The following GPLD1 variants were observed in gnomAD, a reference collection of about 807,000 sequenced individuals.
GPLD1 encodes phosphatidylinositol-glycan-specific phospholipase D.
A neutral mutation model predicts 112.6 loss-of-function variants in GPLD1; 84 were observed. The ratio of observed to expected loss-of-function variants is 0.75; its 90% CI spans 0.63 to 0.89. The LOEUF is 0.89. Ranked by LOEUF, GPLD1 falls within the 40% of genes least tolerant of loss-of-function variation. The pLI, the probability that GPLD1 is intolerant of heterozygous loss-of-function variation, is 0.00. For synonymous variants in GPLD1, 386 were observed against 403.8 expected, an observed-to-expected ratio of 0.96 and a Z score of 0.53; for missense variants, 1,044 against 1,051.5, an observed-to-expected ratio of 0.99 and a Z score of 0.10.
At chr6:24,491,089 C>G (rs184036422), upstream of GPLD1, among the ~76,000 whole-genome samples, 1 of 152,156 alleles carries the variant, frequency 6.6e-6, no homozygotes, top group African/African-American at 2.4e-5. Flanking sequence ...CCATGTGACA[C>G]GACAACCAGC....
At chr6:24,431,501 A>C (rs551865680) in intron 24 of GPLD1, among the ~76,000 whole-genome samples, 27 of 151,900 alleles carry the variant, frequency 1.8e-4, no homozygotes, top group African/African-American at 6.0e-4. Context: ...GGATGAATGC[A>C]ATCAGTGGTT....
intron 12 of GPLD1, among the ~76,000 whole-genome samples, chr6:24,458,747 C>T (rs527567857): frequency 3.2e-4 from 49 of 152,056 alleles, no homozygotes; most frequent in Non-Finnish European, 5.7e-4. Flanking sequence ...GGCATGGTGG[C>T]GGGTGCCTGT....
At position 24,437,219 on chromosome 6, in the gene GPLD1, G is replaced by A. The variant is rs1762606838; in HGVS notation, c.2091C>T (p.Leu697=). 1 of 1,614,134 alleles carries A rather than the reference G, an allele frequency of 6.2e-7. No homozygotes were observed. The highest frequency in any genetic ancestry group is 2.2e-5 in the East Asian group (1 of 44,894). Residue 697 remains leucine, a synonymous_variant, in exon 21 of 25, where the codon CTC becomes CTT. Coordinates refer to ENST00000230036, the MANE Select transcript of GPLD1 (RefSeq NM_001503.4). The stretch of plus-strand genomic sequence containing the variant: ...GCAGCAGAGGCTGCGCGTCAGATGT[G>A]AGTGCGTACATGCGAGTGGCTCCGC... ...HQGGATRMYA[L]TSDAQPLLLS...
chr6:24,483,676 GA>G (rs1488030648), intron 2 of GPLD1, among the ~76,000 whole-genome samples: 2 of 151,892 alleles, frequency 1.3e-5, no homozygotes, highest in African/African-American at 4.8e-5. Context: ...CAGCATTAGA[GA>G]AAGGAGTTAA....
chr6:24,482,429 G>A (rs1464471196), intron 2 of GPLD1, among the ~76,000 whole-genome samples: 4 of 146,420 alleles, frequency 2.7e-5, no homozygotes, highest in African/African-American at 7.8e-5. Flanking sequence ...TACAGGCACC[G>A]GTCACCACGC....
intron 20 of GPLD1, among the ~76,000 whole-genome samples, chr6:24,439,010 C>G (rs1581733981): frequency 6.6e-6 from 1 of 152,202 alleles, no homozygotes; most frequent in African/African-American, 2.4e-5. Context: ...TCTTGATCTC[C>G]TGACCTCGTG....
chr6:24,442,052 T>C (rs1452340688), intron 20 of GPLD1, among the ~76,000 whole-genome samples: 2 of 148,768 alleles, frequency 1.3e-5, no homozygotes, highest in Non-Finnish European at 3.0e-5. Flanking sequence ...TATATTAGTA[T>C]ACTTATACAC....
intron 2 of GPLD1, among the ~76,000 whole-genome samples, chr6:24,483,703 G>A (rs1476313274): frequency 2.0e-5 from 3 of 151,982 alleles, no homozygotes; most frequent in African/African-American, 7.2e-5. Flanking sequence ...TGGACATGGT[G>A]AAGGCTAGAG....
chr6:24,428,227 T>A lies in GPLD1; in HGVS notation c.*805A>T, dbSNP rs1705147577. 1 of 152,176 alleles carries A rather than the reference T, an allele frequency of 6.6e-6. No individual in the cohort carries two copies. Among genetic ancestry groups the A allele is most frequent in the African/African-American group, 2.4e-5 (1 of 41,440 alleles). The allele number at this position is 152,176 out of a possible 1,614,324, so 9.4% of individuals were successfully genotyped here. On this transcript the variant is annotated 3_prime_UTR_variant, in exon 25 of 25. Coordinates refer to ENST00000230036, the MANE Select transcript of GPLD1 (RefSeq NM_001503.4). Reference sequence around the variant, plus strand: ...TGATTGGCATGGGCCAATCTGTTATTTTTAAGTTCAACTTTTTTTTAACTT... The same window carrying A: ...TGATTGGCATGGGCCAATCTGTTATATTTAAGTTCAACTTTTTTTTAACTT...
chr6:24,464,115 A>G (rs761604371), intron 10 of GPLD1, among the ~76,000 whole-genome samples: 7 of 152,340 alleles, frequency 4.6e-5, no homozygotes, highest in Non-Finnish European at 1.0e-4. Flanking sequence ...ACATGCCCTT[A>G]TGTTATGAGT....
chr6:24,490,695 T>C (rs1764532958), upstream of GPLD1, among the ~76,000 whole-genome samples: 1 of 150,626 alleles, frequency 6.6e-6, no homozygotes, highest in Admixed American at 6.7e-5. Context: ...GAGATTGCGG[T>C]GAGCCGAGAT....
At chr6:24,461,087 A>G (rs1443734228) in intron 11 of GPLD1, among the ~76,000 whole-genome samples, 1 of 152,152 alleles carries the variant, frequency 6.6e-6, no homozygotes, top group East Asian at 1.9e-4. Context: ...TTAATTATAC[A>G]ATAAAAATAC....
chr6:24,495,053 T>C, exon 1 of GPLD1: 2 of 1,355,926 alleles, frequency 1.5e-6, no homozygotes, highest in South Asian at 2.1e-5. Flanking sequence ...GGTCGACGTT[T>C]CCAGGCTGCC....
At chr6:24,492,213 G>A (rs564423093), upstream of GPLD1, among the ~76,000 whole-genome samples, 3 of 152,228 alleles carry the variant, frequency 2.0e-5, no homozygotes, top group South Asian at 6.2e-4. Flanking sequence ...CTAGAAAATG[G>A]GGGAGAAGAG....
upstream of GPLD1, among the ~76,000 whole-genome samples, chr6:24,493,634 C>A (rs543222437): frequency 2.4e-4 from 37 of 152,352 alleles, no homozygotes; most frequent in African/African-American, 8.7e-4. Context: ...CTCCCTGGTT[C>A]TCCCCAGTTC....
chr6:24,454,635 T>A (rs143791648), intron 13 of GPLD1, among the ~76,000 whole-genome samples: 1 of 150,726 alleles, frequency 6.6e-6, no homozygotes, highest in Non-Finnish European at 1.5e-5. Context: ...TGAAATAGAC[T>A]ATGTTTTTAC....
chr6:24,467,130 A>C lies in GPLD1; in HGVS notation c.653+37T>G, dbSNP rs750943099. ...AAAACTGTGCAAAGGAAGTCACAAC[A>C]AAATCAGCTGCAAATTGTCCTCTGA... On this transcript the variant is annotated intron_variant, in intron 8 of 24. Coordinates refer to ENST00000230036, the MANE Select transcript of GPLD1 (RefSeq NM_001503.4). The C allele has an allele frequency of 4.7e-6, 6 of 1,285,708 alleles. No homozygotes were observed. The Admixed American group carries it at 1.0e-4, about 22-fold the overall frequency. The allele number at this position is 1,285,708 out of a possible 1,614,324, so 79.6% of individuals were successfully genotyped here.
intron 7 of GPLD1, among the ~76,000 whole-genome samples, chr6:24,470,753 C>T (rs952808581): frequency 2.6e-5 from 4 of 151,134 alleles, no homozygotes; most frequent in Admixed American, 2.0e-4. Context: ...CACGTGCCAT[C>T]GTACCAGGCT....
Position 24,466,717 on chromosome 6 carries a change from A to C in GPLD1, c.784T>G (p.Tyr262Asp). The change falls in exon 10 of 25, where the codon TAC becomes GAC. Residue 262 changes from tyrosine (Y) to aspartate (D), a missense_variant. Transcript: ENST00000230036. ...TCCAACATGAAGCTTGTTAGATGGT[A>C]AATATTAGTGGACCAAAATGCCATA... is the stretch of plus-strand genomic sequence containing the variant. ...DDMAFWSTNI[Y>D]HLTSFMLENG... is the part of the protein sequence containing the mutation. 1 of 1,612,416 alleles carries C rather than the reference A, an allele frequency of 6.2e-7. No homozygotes were observed. The highest frequency in any genetic ancestry group is 2.2e-5 in the East Asian group (1 of 44,868).
Sources: gnomAD v4.1 joint callset for allele counts (sites outside exome capture counted in the v4.1 genomes callset) on GRCh38, gnomAD v4.1.1 for gene constraint, MANE v1.5 for transcripts, NCBI Gene and HGNC (gene_info 2026-07-23, HGNC 2026-07-21) for gene names.